The following TARS1 variants were observed in gnomAD, a reference collection of about 807,000 sequenced individuals.
TARS1 encodes threonyl-tRNA synthetase 1.
A neutral mutation model predicts 97.7 loss-of-function variants in TARS1; 57 were observed. The observed-to-expected ratio is 0.58, with a 90% CI of 0.47 to 0.73. The LOEUF is 0.73. Among genes scored for constraint, TARS1 ranks in the 30% least tolerant of loss-of-function variants. The pLI, the probability that TARS1 is intolerant of heterozygous loss-of-function variation, is 0.00. For synonymous variants in TARS1, 312 were observed against 293.7 expected, an observed-to-expected ratio of 1.06 and a Z score of -0.64; for missense variants, 806 against 888.3, an observed-to-expected ratio of 0.91 and a Z score of 1.18.
Position 33,451,101 on chromosome 5 carries a change from G to A in TARS1, c.330-2188G>A, listed in dbSNP as rs114430658. Reference sequence around the variant, plus strand: ...TGCACTCCAGCCTTGGTGACAGAGCGAGAGTCCGTCTCCAGGGAAAAAAAT... The same window carrying A: ...TGCACTCCAGCCTTGGTGACAGAGCAAGAGTCCGTCTCCAGGGAAAAAAAT... On this transcript the variant is annotated intron_variant, in intron 3 of 18. Transcript: ENST00000265112. 4.8e-3 allele frequency among the ~76,000 whole-genome samples: 731 copies of A among 152,224 alleles called. 9 individuals carry two copies. Among genetic ancestry groups the A allele is most frequent in the African/African-American group, 0.017 (698 of 41,530 alleles).
chr5:33,441,165 C>T (rs780328300), intron 1 of TARS1, 22 bp downstream of exon 1: 104 of 1,613,912 alleles, frequency 6.4e-5, no homozygotes, highest in Admixed American at 5.0e-4. Flanking sequence ...TGGTGGGACC[C>T]AGAGACCAGC....
At chr5:33,441,339 T>G in intron 1 of TARS1, 196 bp downstream of exon 1, 1 of 609,092 alleles carries the variant, frequency 1.6e-6, no homozygotes, top group South Asian at 1.9e-5. Flanking sequence ...GGGTGGGGCC[T>G]TGCAGTTCAT....
intron 11 of TARS1, 143 bp downstream of exon 11, chr5:33,460,004 C>A: frequency 4.0e-6 from 3 of 750,746 alleles, no homozygotes; most frequent in South Asian, 2.8e-5. Context: ...TGTATTATAT[C>A]TTCTGCACCT....
Position 33,448,687 on chromosome 5 carries a change from G to C in TARS1, c.285G>C (p.Ala95=). ...VTLPDGKQVD[A]ESWKTTPYQI... ...TGCCTGATGGTAAACAGGTTGATGCGGAATCTTGGAAAACTACACCATATC... is the reference window on the plus strand; with the variant it reads ...TGCCTGATGGTAAACAGGTTGATGCCGAATCTTGGAAAACTACACCATATC... The change falls in exon 3 of 19, where the codon GCG becomes GCC. Residue 95 remains alanine (A), a synonymous_variant. Transcript: ENST00000265112. The C allele has an allele frequency of 6.2e-7, 1 of 1,613,558 alleles. No homozygotes were observed. The highest frequency in any genetic ancestry group is 8.5e-7 in the Non-Finnish European group (1 of 1,179,760).
chr5:33,452,385 T>C (rs1391100295), intron 3 of TARS1: 3 of 1,535,396 alleles, frequency 2.0e-6, no homozygotes, highest in Admixed American at 3.9e-5. Context: ...GCATCTCTGC[T>C]TGCATCTGTG....
At chr5:33,460,824 C>A (rs191019715) in intron 11 of TARS1, 78 bp from the exon 12 acceptor site, 6 of 1,541,558 alleles carry the variant, frequency 3.9e-6, no homozygotes, top group Non-Finnish European at 5.3e-6. Context: ...TTTTTGACAA[C>A]CTTTCGTGTA....
At chr5:33,449,355 A>ATG (rs1212268789) in intron 3 of TARS1, among the ~76,000 whole-genome samples, 12 of 147,834 alleles carry the variant, frequency 8.1e-5, no homozygotes, top group African/African-American at 2.8e-4. Flanking sequence ...GTATATATAT[A>ATG]TATCTTAAAC....
rs1304584710 is a variant in TARS1, at chr5:33,467,598, A to T, written c.2062A>T (p.Ile688Phe). 1 of 1,613,604 alleles carries T rather than the reference A, an allele frequency of 6.2e-7. No homozygotes were observed. The highest frequency in any genetic ancestry group is 1.1e-5 in the South Asian group (1 of 90,974). ...EKEKISGTVN[I>F]RTRDNKVHGE... ...AGAGAAAATCAGTGGCACTGTTAATATCCGCACAAGAGACAATAAGGTCCA... is the reference window on the plus strand; with the variant it reads ...AGAGAAAATCAGTGGCACTGTTAATTTCCGCACAAGAGACAATAAGGTCCA... Residue 688 changes from isoleucine (I) to phenylalanine (F), a missense_variant, in exon 19 of 19, where the codon ATC becomes TTC. Ile to Phe is a conservative substitution (Grantham distance 21). Coordinates refer to ENST00000265112, the MANE Select transcript of TARS1 (RefSeq NM_152295.5).
chr5:33,460,968 A>G lies in TARS1; in HGVS notation c.1317A>G (p.Val439=). The stretch of plus-strand genomic sequence containing the variant: ...CTCTGCGGCTAGCTGATTTTGGGGT[A>G]CTTCATAGGAACGAGCTGTCTGGAG... ...ELPLRLADFG[V]LHRNELSGAL... The change falls in exon 12 of 19, where the codon GTA becomes GTG. Residue 439 remains valine, a synonymous_variant. Transcript: ENST00000265112. 1.2e-6 allele frequency: 2 copies of G among 1,614,156 alleles called. No individual in the cohort carries two copies.
chr5:33,446,966 G>A (rs1166890493), intron 2 of TARS1, among the ~76,000 whole-genome samples: 1 of 152,184 alleles, frequency 6.6e-6, no homozygotes, highest in Non-Finnish European at 1.5e-5. Flanking sequence ...AAGAAAGGGA[G>A]GGACTGCTGT....
In TARS1 at chr5:33,449,367, G is replaced by T. The variant is rs1289329370; in HGVS notation, c.329+636G>T. 2.8e-5 allele frequency among the ~76,000 whole-genome samples: 4 copies of T among 144,216 alleles called. No individual in the cohort carries two copies. In the East Asian group the frequency reaches 7.8e-4, roughly 28 times the overall value. 94.6% of individuals were successfully genotyped at this position (144,216 alleles called of 152,430 possible). A position where few individuals can be genotyped will look rare whatever the true frequency, so the allele number is the denominator to read the frequency against. ...CGTGTATATATATATATCTTAAACT[G>T]GGTATTGGGAAACTCTAGTCATAAT... On this transcript the variant is annotated intron_variant, in intron 3 of 18. Transcript: ENST00000265112.
rs1315310192 is a variant in TARS1 at position 33,441,036 on chromosome 5, T to G, written c.-51T>G. On this transcript the variant is annotated 5_prime_UTR_variant, in exon 1 of 19. Transcript: ENST00000265112. The stretch of plus-strand genomic sequence containing the variant: ...CACCTCCCACCCGCCTCTTGGCTCC[T>G]CTCCTCTAGGCCGTCGCTTTCGGGT... The G allele has an allele frequency of 6.2e-7, 1 of 1,612,446 alleles. No homozygotes were observed. Among genetic ancestry groups the G allele is most frequent in the Non-Finnish European group, 8.5e-7 (1 of 1,178,998 alleles).
intron 3 of TARS1, among the ~76,000 whole-genome samples, chr5:33,450,514 C>G (rs147146556): frequency 6.6e-6 from 1 of 152,312 alleles, no homozygotes; most frequent in East Asian, 1.9e-4. Flanking sequence ...CCTACAAGTT[C>G]TTCTACCTTA....
chr5:33,462,056 A>G (rs768296452), intron 15 of TARS1, 43 bp from the exon 16 acceptor site: 5 of 1,597,818 alleles, frequency 3.1e-6, no homozygotes, highest in Non-Finnish European at 4.3e-6. Context: ...ATATAAGAGA[A>G]AATATATATA....
chr5:33,450,645 T>C (rs944216644), intron 3 of TARS1, among the ~76,000 whole-genome samples: 10 of 152,200 alleles, frequency 6.6e-5, no homozygotes, highest in Non-Finnish European at 4.4e-5. Flanking sequence ...GAAGGTCAGG[T>C]TGATTAATAG....
chr5:33,456,344 C>T (rs1190701280), intron 8 of TARS1, 117 bp downstream of exon 8: 3 of 830,052 alleles, frequency 3.6e-6, no homozygotes, highest in Non-Finnish European at 5.7e-6. Context: ...GGTATTTTCT[C>T]ATGCTCTCTA....
Position 33,448,618 on chromosome 5 carries a change from G to A in TARS1, c.216G>A (p.Leu72=). The change falls in exon 3 of 19, where the codon CTG becomes CTA. Residue 72 remains leucine, a synonymous_variant. Transcript: ENST00000265112. ...TAAAAGCAGAACATGATTCCATTCTGGCAGAAAAGGCAGAAAAAGATAGCA... is the reference window on the plus strand; with the variant it reads ...TAAAAGCAGAACATGATTCCATTCTAGCAGAAAAGGCAGAAAAAGATAGCA... The part of the protein sequence containing the change: ...NILKAEHDSI[L]AEKAEKDSKP... 6.2e-7 allele frequency: 1 copy of A among 1,613,724 alleles called. No individual in the cohort carries two copies. Among genetic ancestry groups the A allele is most frequent in the South Asian group, 1.1e-5 (1 of 91,046 alleles).
chr5:33,448,475 C>G (rs1017303989), intron 2 of TARS1, 66 bp from the exon 3 acceptor site: 8 of 1,325,368 alleles, frequency 6.0e-6, no homozygotes, highest in Non-Finnish European at 8.1e-6. Context: ...TATTTCTTTC[C>G]CATTTCTAAA....
chr5:33,460,929 C>G lies in TARS1; in HGVS notation c.1278C>G (p.Ser426=), dbSNP rs973667161. 1 of 1,614,160 alleles carries G rather than the reference C, an allele frequency of 6.2e-7. No individual in the cohort carries two copies. The highest frequency in any genetic ancestry group is 8.5e-7 in the Non-Finnish European group (1 of 1,180,030). Residue 426 remains serine, a synonymous_variant, in exon 12 of 19, where the codon TCC becomes TCG. Coordinates refer to ENST00000265112, the MANE Select transcript of TARS1 (RefSeq NM_152295.5). ...HCLMFDHRPR[S]WRELPLRLAD... is the part of the protein sequence containing the mutation. ...TTATGTTTGATCATCGGCCAAGGTC[C>G]TGGCGAGAACTGCCTCTGCGGCTAG...
Sources: gnomAD v4.1 joint callset for allele counts (sites outside exome capture counted in the v4.1 genomes callset) on GRCh38, gnomAD v4.1.1 for gene constraint, MANE v1.5 for transcripts, NCBI Gene and HGNC (gene_info 2026-07-23, HGNC 2026-07-21) for gene names.